Variants in CHST15 observed in about 807,000 individuals in gnomAD.
CHST15 encodes the protein B cell RAG associated protein (GALNAC4S-6ST).
CHST15 carries 30 observed loss-of-function variants against 53.6 expected under a neutral mutation model. The observed-to-expected ratio is 0.56, with a 90% confidence interval of 0.42 to 0.76. The LOEUF is 0.76. Ranked by LOEUF, CHST15 falls within the 30% of genes least tolerant of loss-of-function variation. The probability of loss-of-function intolerance (pLI) is 0.00; values close to 1 mark genes in which losing one functional copy is unlikely to be tolerated. For synonymous variants in CHST15, 296 were observed against 289.8 expected, an observed-to-expected ratio of 1.02 and a Z score of -0.22; for missense variants, 627 against 740.5, an observed-to-expected ratio of 0.85 and a Z score of 1.78.
chr10:124,026,531 C>T (rs1947017916), intron 5 of CHST15, among the ~76,000 whole-genome samples: 1 of 152,180 alleles, frequency 6.6e-6, no homozygotes, highest in Non-Finnish European at 1.5e-5. Flanking sequence ...GAAATGTCTA[C>T]CTTTTAGTCT....
chr10:124,009,966 C>T lies in CHST15; in HGVS notation c.*183G>A. On this transcript the variant is annotated 3_prime_UTR_variant, in exon 8 of 8. Transcript: ENST00000435907. ...GGATAGAGGAGCTCTGTGAGGGGTC[C>T]ATTGCTGAGCTCTCGAACATCACGA... 1 of 1,440,788 alleles carries T rather than the reference C, an allele frequency of 6.9e-7. No homozygotes were observed. Among genetic ancestry groups the T allele is most frequent in the Non-Finnish European group, 9.1e-7 (1 of 1,100,622 alleles). 89.3% of individuals were successfully genotyped at this position (1,440,788 alleles called of 1,614,324 possible).
intron 3 of CHST15, 131 bp from the exon 4 acceptor site, chr10:124,042,578 C>G (rs1947784207): frequency 9.8e-7 from 1 of 1,021,382 alleles, no homozygotes; most frequent in Non-Finnish European, 1.4e-6. Context: ...AGGCTCAGCC[C>G]AGGTAAGCTT....
At chr10:124,071,233 C>G (rs1446227191) in intron 1 of CHST15, among the ~76,000 whole-genome samples, 1 of 152,212 alleles carries the variant, frequency 6.6e-6, no homozygotes, top group East Asian at 1.9e-4. Context: ...AAAGGCACTA[C>G]CTGGAGGGAA....
At chr10:124,043,882 A>G (rs1947837008) in intron 3 of CHST15, among the ~76,000 whole-genome samples, 1 of 151,860 alleles carries the variant, frequency 6.6e-6, no homozygotes, top group South Asian at 2.1e-4. Flanking sequence ...AACAGCACAG[A>G]GCAGAGGAAC....
chr10:124,074,518 C>G lies in CHST15; in HGVS notation c.-513+18951G>C, dbSNP rs776593544. On this transcript the variant is annotated intron_variant, in intron 1 of 7. Transcript: ENST00000435907. The surrounding 1 kb of genome is among the most constrained non-coding windows in gnomAD (Gnocchi z 4.4). ...AAGCCTTAAAATGAGAACTCTGGGT[C>G]CAGGCACCTCACTGGGGACTTACAT... 6.4e-4 allele frequency among the ~76,000 whole-genome samples: 97 copies of G among 152,204 alleles called. No individual in the cohort carries two copies. Among genetic ancestry groups the G allele is most frequent in the Non-Finnish European group, 1.3e-3 (90 of 68,016 alleles).
chr10:124,020,952 C>CA, intron 6 of CHST15: 1 of 1,391,070 alleles, frequency 7.2e-7, no homozygotes, highest in Non-Finnish European at 9.3e-7. Flanking sequence ...TCATGTCTGC[C>CA]GATTCTAATT....
At chr10:124,086,304 A>C (rs1813407475) in intron 1 of CHST15, among the ~76,000 whole-genome samples, 2 of 152,274 alleles carry the variant, frequency 1.3e-5, no homozygotes, top group African/African-American at 4.8e-5. Flanking sequence ...CACGGAGCCC[A>C]GCACATCATA....
intron 3 of CHST15, among the ~76,000 whole-genome samples, chr10:124,044,249 C>T (rs1436100994): frequency 6.6e-6 from 1 of 151,938 alleles, no homozygotes; most frequent in Non-Finnish European, 1.5e-5. Context: ...GAGCCAAGAG[C>T]CCGGATCACG....
In CHST15 at chr10:124,057,629, C is replaced by A. The variant is rs550185479; in HGVS notation, c.-512-10905G>T. ...AATGCCCACATTCGGGACTGTATATCCCATTTCAAGGACAGCCGTGAAGCC... is the reference window on the plus strand; with the variant it reads ...AATGCCCACATTCGGGACTGTATATACCATTTCAAGGACAGCCGTGAAGCC... On this transcript the variant is annotated intron_variant, in intron 1 of 7. Transcript: ENST00000435907. 6.6e-5 allele frequency among the ~76,000 whole-genome samples: 10 copies of A among 152,274 alleles called. No homozygotes were observed. In the South Asian group the frequency reaches 2.1e-3, roughly 32 times the overall value.
At chr10:124,015,538 A>G (rs1227520569) in intron 6 of CHST15, among the ~76,000 whole-genome samples, 1 of 150,960 alleles carries the variant, frequency 6.6e-6, no homozygotes, top group South Asian at 2.1e-4. Flanking sequence ...TGAGCTGAGC[A>G]CAGTCCCAGT....
chr10:124,028,277 A>T (rs1947087991), intron 5 of CHST15, among the ~76,000 whole-genome samples: 1 of 152,192 alleles, frequency 6.6e-6, no homozygotes, highest in Admixed American at 6.5e-5. Flanking sequence ...TTCCTTGGTG[A>T]TCGCAATAGC....
intron 1 of CHST15, among the ~76,000 whole-genome samples, chr10:124,087,730 C>T (rs1304421868): frequency 6.6e-6 from 1 of 151,920 alleles, no homozygotes; most frequent in East Asian, 1.9e-4. Context: ...CTCCAGGCCC[C>T]CTCTGGGCTC....
chr10:124,087,201 G>T lies in CHST15; in HGVS notation c.-513+6268C>A, dbSNP rs113322115. On this transcript the variant is annotated intron_variant, in intron 1 of 7. Transcript: ENST00000435907. ...TCTGGCCTCCTAGCAAAGGTGCCAC[G>T]GGCCCAGTCCCTCGGGACAGCTACC... Among the ~76,000 whole-genome samples, 3 of 152,248 alleles carry T rather than the reference G, an allele frequency of 2.0e-5. 1 individual carries two copies. The highest frequency in any genetic ancestry group is 7.2e-5 in the African/African-American group (3 of 41,528).
intron 1 of CHST15, among the ~76,000 whole-genome samples, chr10:124,075,595 G>A (rs1489477353): frequency 2.6e-5 from 4 of 151,892 alleles, no homozygotes; most frequent in Admixed American, 2.6e-4. Flanking sequence ...CTCTCCTGAT[G>A]TATGCTGAGC....
chr10:124,080,603 C>A (rs1949203181), intron 1 of CHST15, among the ~76,000 whole-genome samples: 2 of 152,138 alleles, frequency 1.3e-5, no homozygotes, highest in African/African-American at 4.8e-5. Flanking sequence ...GAGTTCTTTT[C>A]ACTGGAGGGT....
At chr10:124,047,865 T>C (rs1948058149) in intron 1 of CHST15, among the ~76,000 whole-genome samples, 1 of 152,232 alleles carries the variant, frequency 6.6e-6, no homozygotes, top group Non-Finnish European at 1.5e-5. Context: ...TGAGAGATCC[T>C]ATACCACATG....
At chr10:124,042,609 G>C (rs926825374) in intron 3 of CHST15, among the ~76,000 whole-genome samples, 162 bp from the exon 4 acceptor site, 18 of 152,146 alleles carry the variant, frequency 1.2e-4, no homozygotes, top group Non-Finnish European at 2.4e-4. Flanking sequence ...TGCTGGGGAT[G>C]GGGGTGGGGG....
chr10:124,090,539 T>C (rs1027084525), intron 1 of CHST15, among the ~76,000 whole-genome samples: 11 of 152,248 alleles, frequency 7.2e-5, no homozygotes, highest in African/African-American at 2.4e-5. Context: ...GCCAAATAAG[T>C]AGAATCCGCT....
rs531606437 is a variant in CHST15 at position 124,021,632 on chromosome 10, A to G, written c.1191-220T>C. Among the ~76,000 whole-genome samples, 4 of 152,176 alleles carry G rather than the reference A, an allele frequency of 2.6e-5. No homozygotes were observed. The East Asian group carries it at 5.8e-4, about 22-fold the overall frequency. ...CTCTTCCAGACCCAGACATGTCTAT[A>G]CTGGCCCCACACAAACCACCAGCCG... On this transcript the variant is annotated intron_variant, in intron 5 of 7. Transcript: ENST00000435907.
Sources: allele counts gnomAD v4.1 joint callset (sites outside exome capture counted in the v4.1 genomes callset), GRCh38; gene constraint gnomAD v4.1.1; non-coding constraint Gnocchi (gnomAD v3.1); transcripts MANE v1.5; gene names NCBI Gene and HGNC (gene_info 2026-07-23, HGNC 2026-07-21).